Variants in CSMD3 observed in about 807,000 individuals in gnomAD.
The protein encoded by CSMD3 is CUB and Sushi multiple domains 3.
In CSMD3, 177 loss-of-function variants were observed where a neutral mutation model predicts 435.2. The ratio of observed to expected loss-of-function variants is 0.41; its 90% CI spans 0.36 to 0.46. The LOEUF is 0.46. Ranked by LOEUF, CSMD3 falls within the 20% of genes least tolerant of loss-of-function variation. The probability of loss-of-function intolerance (pLI) is 0.34; values close to 1 mark genes in which losing one functional copy is unlikely to be tolerated. For synonymous variants in CSMD3, 1,656 were observed against 1,520.5 expected, an observed-to-expected ratio of 1.09 and a Z score of -2.07; for missense variants, 4,265 against 4,504.6, an observed-to-expected ratio of 0.95 and a Z score of 1.52.
intron 1 of CSMD3, among the ~76,000 whole-genome samples, chr8:113,325,729 T>C (rs547195261): frequency 2.0e-5 from 3 of 152,044 alleles, no homozygotes; most frequent in Non-Finnish European, 2.9e-5. Context: ...GCCACAAGAG[T>C]TTGTTTAGGC....
chr8:112,810,845 T>C (rs952734447), intron 12 of CSMD3, among the ~76,000 whole-genome samples: 4 of 152,128 alleles, frequency 2.6e-5, no homozygotes, highest in Admixed American at 2.0e-4. Flanking sequence ...TAGGGTTAAG[T>C]TACACCTTAG....
intron 4 of CSMD3, among the ~76,000 whole-genome samples, chr8:113,131,824 T>G (rs2091291069): frequency 6.6e-6 from 1 of 152,256 alleles, no homozygotes; most frequent in East Asian, 1.9e-4. Context: ...GGCTGTACCC[T>G]GAAGAGCCAC....
chr8:113,031,364 G>C (rs1482252511), intron 5 of CSMD3, among the ~76,000 whole-genome samples: 2 of 151,564 alleles, frequency 1.3e-5, no homozygotes, highest in Non-Finnish European at 2.9e-5. Context: ...AAATCTCAAG[G>C]TAATTATGTA....
chr8:112,294,091 G>C (rs935961107), intron 54 of CSMD3, among the ~76,000 whole-genome samples: 10 of 151,950 alleles, frequency 6.6e-5, no homozygotes, highest in African/African-American at 1.5e-4. Context: ...ATTTGCTTGG[G>C]GGGGGTGTAG....
At chr8:112,379,334 T>C (rs1313727252) in intron 38 of CSMD3, among the ~76,000 whole-genome samples, 1 of 152,042 alleles carries the variant, frequency 6.6e-6, no homozygotes, top group Non-Finnish European at 1.5e-5. Context: ...CTGGGAGTGG[T>C]GTCGGGCACA....
chr8:112,564,435 G>A (rs745514892), intron 24 of CSMD3, among the ~76,000 whole-genome samples: 16 of 139,342 alleles, frequency 1.1e-4, no homozygotes, highest in Non-Finnish European at 1.8e-4. Flanking sequence ...CTTTTTTTCC[G>A]GGACTTGGTC....
At chr8:113,305,350 G>C (rs979600501) in intron 2 of CSMD3, among the ~76,000 whole-genome samples, 1 of 152,024 alleles carries the variant, frequency 6.6e-6, no homozygotes, top group Non-Finnish European at 1.5e-5. Context: ...TTTATGGAGC[G>C]TGAGTTTCAC....
At chr8:112,572,160 T>C (rs1404025209) in intron 24 of CSMD3, among the ~76,000 whole-genome samples, 1 of 152,106 alleles carries the variant, frequency 6.6e-6, no homozygotes, top group African/African-American at 2.4e-5. Flanking sequence ...TATTGCTCAA[T>C]ATCATTACTT....
chr8:112,315,840 T>C (rs1052561932), intron 47 of CSMD3, among the ~76,000 whole-genome samples: 1 of 151,868 alleles, frequency 6.6e-6, no homozygotes, highest in African/African-American at 2.4e-5. Context: ...TAGCATTGTT[T>C]CTCAAAATAA....
intron 1 of CSMD3, among the ~76,000 whole-genome samples, chr8:113,331,672 A>G (rs546058473): frequency 1.3e-5 from 2 of 151,942 alleles, no homozygotes; most frequent in East Asian, 1.9e-4. Flanking sequence ...GGAATAAAGG[A>G]CAAAATCCAC....
intron 4 of CSMD3, among the ~76,000 whole-genome samples, chr8:113,154,451 T>G (rs929963329): frequency 3.8e-4 from 57 of 151,974 alleles, no homozygotes; most frequent in Non-Finnish European, 1.2e-4. Flanking sequence ...AACAATGTGT[T>G]TTTTTTAATC....
intron 47 of CSMD3, among the ~76,000 whole-genome samples, chr8:112,315,485 A>T (rs945861025): frequency 6.6e-6 from 1 of 151,740 alleles, no homozygotes; most frequent in Non-Finnish European, 1.5e-5. Flanking sequence ...CTCTTACAAA[A>T]TTTTTTTGAA....
At chr8:113,393,994 G>T (rs913178635) in intron 1 of CSMD3, among the ~76,000 whole-genome samples, 1 of 151,990 alleles carries the variant, frequency 6.6e-6, no homozygotes, top group African/African-American at 2.4e-5. Flanking sequence ...TTTATAAAGT[G>T]AGGTTTAGTA....
chr8:113,264,872 T>G (rs1286551759), intron 3 of CSMD3, among the ~76,000 whole-genome samples: 1 of 151,682 alleles, frequency 6.6e-6, no homozygotes, highest in Non-Finnish European at 1.5e-5. Flanking sequence ...AGGAGATGTA[T>G]TAAACCATTC....
chr8:112,298,888 G>A (rs758988785), intron 53 of CSMD3, among the ~76,000 whole-genome samples: 1 of 152,082 alleles, frequency 6.6e-6, no homozygotes, highest in Non-Finnish European at 1.5e-5. Context: ...AAATGAATGC[G>A]TATGTCCACA....
At position 112,313,889 on chromosome 8, in the gene CSMD3, T is replaced by C. The variant is rs2130829993; in HGVS notation, c.7696+17A>G. 8.8e-6 allele frequency: 14 copies of C among 1,590,564 alleles called. No homozygotes were observed. The highest frequency in any genetic ancestry group is 2.2e-5 in the East Asian group (1 of 44,538). On this transcript the variant is annotated intron_variant, in intron 49 of 70. Coordinates refer to ENST00000297405, the MANE Select transcript of CSMD3 (RefSeq NM_198123.2). The stretch of plus-strand genomic sequence containing the variant: ...GATGATAGTGAGATCTGTCCTGAAG[T>C]TATAAGTTTTACATACCTATATATC...
chr8:112,462,144 G>A (rs1688563290), intron 32 of CSMD3, among the ~76,000 whole-genome samples: 1 of 152,116 alleles, frequency 6.6e-6, no homozygotes, highest in Admixed American at 6.5e-5. Context: ...CGCAGTAACC[G>A]CTCAATCTTC....
At chr8:112,502,986 C>T (rs1822127853) in intron 30 of CSMD3, among the ~76,000 whole-genome samples, 1 of 152,158 alleles carries the variant, frequency 6.6e-6, no homozygotes, top group Non-Finnish European at 1.5e-5. Context: ...TAAATATCCA[C>T]AGGCATTCTA....
intron 13 of CSMD3, among the ~76,000 whole-genome samples, chr8:112,728,043 TTTA>T (rs2077001516): frequency 6.6e-6 from 1 of 151,918 alleles, no homozygotes; most frequent in Non-Finnish European, 1.5e-5. Context: ...TTTCTTGTTG[TTTA>T]TCATAAAAGA....
Sources: allele counts gnomAD v4.1 joint callset (sites outside exome capture counted in the v4.1 genomes callset), GRCh38; gene constraint gnomAD v4.1.1; transcripts MANE v1.5; gene names NCBI Gene and HGNC (gene_info 2026-07-23, HGNC 2026-07-21).